The following TMEM132C variants were observed in gnomAD, a reference collection of about 807,000 sequenced individuals.
TMEM132C encodes protein phosphatase 1, regulatory subunit 152.
Under a neutral mutation model 61.4 loss-of-function variants are expected in TMEM132C, and 29 were observed. The ratio of observed to expected loss-of-function variants is 0.47; its 90% CI spans 0.35 to 0.64. The LOEUF is 0.64. Among genes scored for constraint, TMEM132C ranks in the 30% least tolerant of loss-of-function variants. The pLI is 0.00. For missense variants in TMEM132C, 1,408 were observed against 1,476.9 expected, an observed-to-expected ratio of 0.95 and a Z score of 0.76; for synonymous variants, 656 against 633.1, an observed-to-expected ratio of 1.04 and a Z score of -0.54.
intron 1 of TMEM132C, among the ~76,000 whole-genome samples, chr12:128,365,800 C>T (rs931341325): frequency 2.0e-5 from 3 of 152,154 alleles, no homozygotes; most frequent in African/African-American, 7.2e-5. Flanking sequence ...AACTCCTGGG[C>T]CCCTTGAAAA....
At chr12:128,610,201 C>A (rs995708012) in intron 3 of TMEM132C, among the ~76,000 whole-genome samples, 1 of 152,204 alleles carries the variant, frequency 6.6e-6, no homozygotes, top group African/African-American at 2.4e-5. Flanking sequence ...AAGCCTGGAT[C>A]GAGTGATTCT....
At chr12:128,529,513 GTGGCT>G (rs1361764810) in intron 2 of TMEM132C, among the ~76,000 whole-genome samples, 1 of 152,194 alleles carries the variant, frequency 6.6e-6, no homozygotes, top group Non-Finnish European at 1.5e-5. Context: ...GCCAGACGTG[GTGGCT>G]TACGCTTGTA....
intron 1 of TMEM132C, among the ~76,000 whole-genome samples, chr12:128,269,251 G>T (rs1036497070): frequency 1.6e-4 from 24 of 152,076 alleles, no homozygotes; most frequent in African/African-American, 4.1e-4. Flanking sequence ...GACCTCCTCC[G>T]GGTTTTCACC....
At chr12:128,444,868 G>C (rs558342705) in intron 2 of TMEM132C, among the ~76,000 whole-genome samples, 1 of 152,078 alleles carries the variant, frequency 6.6e-6, no homozygotes, top group East Asian at 1.9e-4. Flanking sequence ...TTAGGAAGTG[G>C]TCTTAAGTCA....
intron 2 of TMEM132C, among the ~76,000 whole-genome samples, chr12:128,440,594 C>T (rs1223881065): frequency 6.6e-6 from 1 of 152,240 alleles, no homozygotes; most frequent in Non-Finnish European, 1.5e-5. Context: ...TCTTTTTATT[C>T]TCTTCTGAAT....
intron 1 of TMEM132C, among the ~76,000 whole-genome samples, chr12:128,335,108 A>G (rs1049540414): frequency 3.9e-5 from 6 of 152,192 alleles, no homozygotes; most frequent in African/African-American, 1.4e-4. Context: ...AGATTTGCAT[A>G]TGTGAATTCA....
chr12:128,643,234 A>G (rs1043387559), intron 4 of TMEM132C, among the ~76,000 whole-genome samples: 15 of 152,198 alleles, frequency 9.9e-5, no homozygotes, highest in African/African-American at 3.6e-4. Context: ...TCAAAATTAA[A>G]TCTGCAAAGC....
At chr12:128,336,521 G>A (rs1242153334) in intron 1 of TMEM132C, among the ~76,000 whole-genome samples, 1 of 152,176 alleles carries the variant, frequency 6.6e-6, no homozygotes, top group Non-Finnish European at 1.5e-5. Context: ...AGGTTGAGAA[G>A]TCATTCCTTT....
chr12:128,312,432 T>C (rs1460628445), intron 1 of TMEM132C, among the ~76,000 whole-genome samples: 1 of 152,100 alleles, frequency 6.6e-6, no homozygotes, highest in Non-Finnish European at 1.5e-5. Flanking sequence ...CAGCCTCCTG[T>C]GTAGCTGGGT....
At position 128,697,353 on chromosome 12, in the gene TMEM132C, G is replaced by A. The variant is rs779216390; in HGVS notation, c.2059G>A (p.Glu687Lys). ...GTCTGTCGCCCTTTACCCCAACGCA[G>A]AAAACAGCAAGGCCGTAACAGCTGT... ...GLSVALYPNA[E>K]NSKAVTAVVT... is the part of the protein sequence containing the mutation. Residue 687 changes from glutamate (E) to lysine (K), a missense_variant, in exon 8 of 9, where the codon GAA (glutamate) becomes AAA (lysine). Coordinates refer to ENST00000435159, the MANE Select transcript of TMEM132C (RefSeq NM_001136103.3). The A allele has an allele frequency of 2.1e-5, 32 of 1,551,262 alleles. No individual in the cohort carries two copies. The highest frequency in any genetic ancestry group is 3.3e-4 in the Middle Eastern group (2 of 5,990).
intron 3 of TMEM132C, among the ~76,000 whole-genome samples, chr12:128,609,735 T>C (rs1876565473): frequency 6.6e-6 from 1 of 152,182 alleles, no homozygotes; most frequent in African/African-American, 2.4e-5. Context: ...TTCTTTCTCA[T>C]TCCCCTGGCG....
intron 1 of TMEM132C, among the ~76,000 whole-genome samples, chr12:128,332,178 G>T (rs1264601025): frequency 6.6e-6 from 1 of 152,184 alleles, no homozygotes; most frequent in Admixed American, 6.5e-5. Flanking sequence ...TTGCACATAT[G>T]AAAGGGCTTT....
In TMEM132C at chr12:128,626,738, C is replaced by T. The variant is rs192826065; in HGVS notation, c.1305+10403C>T. Reference sequence around the variant, plus strand: ...GGGATTACAGGTGTGAGCCACCATGCCCGGCCAGTAACTGCATTTCAATAC... The same window carrying T: ...GGGATTACAGGTGTGAGCCACCATGTCCGGCCAGTAACTGCATTTCAATAC... On this transcript the variant is annotated intron_variant, in intron 4 of 8. Transcript: ENST00000435159. Among the ~76,000 whole-genome samples the T allele has an allele frequency of 5.2e-3, 797 of 152,318 alleles. 7 individuals carry two copies. The highest frequency in any genetic ancestry group is 8.4e-3 in the Non-Finnish European group (573 of 68,030).
At position 128,705,551 on chromosome 12, in the gene TMEM132C, G is replaced by A. The variant is rs1177615508; in HGVS notation, c.2583G>A (p.Arg861=). 6.4e-7 allele frequency: 1 copy of A among 1,551,132 alleles called. No individual in the cohort carries two copies. The highest frequency in any genetic ancestry group is 8.7e-7 in the Non-Finnish European group (1 of 1,147,000). Residue 861 remains arginine (R), a synonymous_variant, in exon 9 of 9, where the codon AGG becomes AGA. Transcript: ENST00000435159. ...GALRRATTTA[R]SLLDNKVVKN... ...TCCGAAGAGCCACTACCACGGCCAGGTCCCTGCTGGACAACAAAGTGGTGA... is the reference window on the plus strand; with the variant it reads ...TCCGAAGAGCCACTACCACGGCCAGATCCCTGCTGGACAACAAAGTGGTGA...
At chr12:128,704,822 T>A (rs1026469223) in intron 8 of TMEM132C, among the ~76,000 whole-genome samples, 2 of 152,210 alleles carry the variant, frequency 1.3e-5, no homozygotes, top group African/African-American at 4.8e-5. Flanking sequence ...GAGCCTCATC[T>A]CACTTAGGGA....
chr12:128,512,424 A>G (rs1033216702), intron 2 of TMEM132C, among the ~76,000 whole-genome samples: 3 of 152,076 alleles, frequency 2.0e-5, no homozygotes, highest in Non-Finnish European at 4.4e-5. Context: ...AGTTTTTTCC[A>G]TATCAGTATA....
At chr12:128,283,833 C>T (rs138051221) in intron 1 of TMEM132C, among the ~76,000 whole-genome samples, 4 of 152,216 alleles carry the variant, frequency 2.6e-5, no homozygotes, top group South Asian at 4.1e-4. Flanking sequence ...CCCCTGATGC[C>T]GCCTGTCCTC....
chr12:128,385,704 A>C (rs1457127787), intron 1 of TMEM132C, among the ~76,000 whole-genome samples: 1 of 152,236 alleles, frequency 6.6e-6, no homozygotes, highest in East Asian at 1.9e-4. Flanking sequence ...CTGAAGTTAA[A>C]AAGTTAAAGA....
intron 1 of TMEM132C, among the ~76,000 whole-genome samples, chr12:128,270,586 T>C (rs77809461): frequency 0.041 from 6,285 of 152,164 alleles, 338 homozygotes; most frequent in African/African-American, 0.12. Flanking sequence ...AGAAATAGGA[T>C]CCTCCTAGGA....
Sources: gnomAD v4.1 joint callset for allele counts (sites outside exome capture counted in the v4.1 genomes callset) on GRCh38, gnomAD v4.1.1 for gene constraint, MANE v1.5 for transcripts, NCBI Gene and HGNC (gene_info 2026-07-23, HGNC 2026-07-21) for gene names.